Variants in CHRM3 observed in about 807,000 individuals in gnomAD.
CHRM3 encodes the protein muscarinic acetylcholine receptor M3.
In CHRM3, 11 loss-of-function variants were observed where a neutral mutation model predicts 41.8. The ratio of observed to expected loss-of-function variants is 0.26; its 90% CI spans 0.17 to 0.44. The LOEUF (loss-of-function observed/expected upper bound fraction) is 0.44. Among genes scored for constraint, CHRM3 ranks in the 20% least tolerant of loss-of-function variants. CHRM3 has a pLI of 1.00. For missense variants in CHRM3, 571 were observed against 745.4 expected (o/e 0.77, Z 2.72); for synonymous variants, 297 against 301.4 (o/e 0.99, Z 0.15).
chr1:239,571,999 C>A (rs774674309), intron 3 of CHRM3, among the ~76,000 whole-genome samples: 6 of 152,138 alleles, frequency 3.9e-5, no homozygotes, highest in Non-Finnish European at 7.3e-5. Flanking sequence ...CTACCATATG[C>A]CAGACGCTAT....
chr1:239,558,696 T>A (rs1315020126), intron 3 of CHRM3, among the ~76,000 whole-genome samples: 1 of 152,222 alleles, frequency 6.6e-6, no homozygotes, highest in Non-Finnish European at 1.5e-5. Flanking sequence ...GCCCATGTTC[T>A]CTTTTCCTAG....
intron 3 of CHRM3, among the ~76,000 whole-genome samples, chr1:239,547,155 GA>G (rs1458420527): frequency 2.0e-5 from 3 of 152,130 alleles, no homozygotes; most frequent in African/African-American, 4.8e-5. Context: ...TAAATGGAAC[GA>G]AAATCTTAAT....
At chr1:239,673,065 C>G (rs561357931) in intron 4 of CHRM3, among the ~76,000 whole-genome samples, 3 of 152,104 alleles carry the variant, frequency 2.0e-5, no homozygotes, top group Non-Finnish European at 2.9e-5. Context: ...AAATTAGCTT[C>G]GGTTTCTTCA....
At chr1:239,883,180 G>T (rs908956754) in intron 6 of CHRM3, among the ~76,000 whole-genome samples, 1 of 152,064 alleles carries the variant, frequency 6.6e-6, no homozygotes, top group Non-Finnish European at 1.5e-5. Flanking sequence ...CATCGTAAAC[G>T]GTAAAACAAC....
intron 2 of CHRM3, among the ~76,000 whole-genome samples, chr1:239,496,641 A>G (rs1307653413): frequency 6.6e-6 from 1 of 151,968 alleles, no homozygotes; most frequent in Non-Finnish European, 1.5e-5. Flanking sequence ...AATTTCTTGT[A>G]CTGATATCTT....
intron 5 of CHRM3, among the ~76,000 whole-genome samples, chr1:239,726,330 A>T (rs1663434581): frequency 6.6e-6 from 1 of 152,086 alleles, no homozygotes; most frequent in East Asian, 1.9e-4. Context: ...TTTGAATCAA[A>T]TAATAGTAGA....
At chr1:239,533,731 CAA>C (rs61441846) in intron 2 of CHRM3, among the ~76,000 whole-genome samples, 5 of 37,070 alleles carry the variant, frequency 1.3e-4, no homozygotes, top group East Asian at 7.3e-4. Context: ...AACTCTGTCT[CAA>C]AAAAAAAAAA....
intron 3 of CHRM3, among the ~76,000 whole-genome samples, chr1:239,623,429 A>C (rs1418693350): frequency 1.3e-5 from 2 of 151,362 alleles, no homozygotes. Flanking sequence ...ATGTCCCTAC[A>C]AAGGACATGA....
At chr1:239,414,689 T>C (rs1218548276) in intron 1 of CHRM3, among the ~76,000 whole-genome samples, 1 of 152,144 alleles carries the variant, frequency 6.6e-6, no homozygotes, top group Admixed American at 6.6e-5. Flanking sequence ...CAATGGAGAG[T>C]GTAGAAATTG....
intron 6 of CHRM3, among the ~76,000 whole-genome samples, chr1:239,860,670 G>A (rs1329373442): frequency 6.6e-6 from 1 of 152,196 alleles, no homozygotes; most frequent in Admixed American, 6.5e-5. Context: ...ATGAGGCAGA[G>A]TTTGTGTTAA....
At chr1:239,639,572 A>G (rs1382460102) in intron 4 of CHRM3, among the ~76,000 whole-genome samples, 700 of 147,862 alleles carry the variant, frequency 4.7e-3, no homozygotes, top group African/African-American at 0.017. Context: ...TTTGTCTGTT[A>G]TTGGTGTATA....
At chr1:239,679,494 A>G (rs914963558) in intron 5 of CHRM3, among the ~76,000 whole-genome samples, 1 of 152,118 alleles carries the variant, frequency 6.6e-6, no homozygotes, top group Non-Finnish European at 1.5e-5. Flanking sequence ...AGTGAGAGAG[A>G]GTAGATAAAT....
At chr1:239,617,123 G>A (rs549815005) in intron 3 of CHRM3, among the ~76,000 whole-genome samples, 3 of 152,238 alleles carry the variant, frequency 2.0e-5, no homozygotes, top group Non-Finnish European at 4.4e-5. Flanking sequence ...AGAAAAGCAA[G>A]CATCAGAATA....
intron 1 of CHRM3, among the ~76,000 whole-genome samples, chr1:239,420,778 T>C (rs1661891535): frequency 6.6e-6 from 1 of 152,108 alleles, no homozygotes; most frequent in African/African-American, 2.4e-5. Flanking sequence ...TAAATGTATC[T>C]TTTACCTCAG....
intron 5 of CHRM3, among the ~76,000 whole-genome samples, chr1:239,686,957 A>G (rs549079749): frequency 2.4e-4 from 36 of 152,242 alleles, no homozygotes; most frequent in Middle Eastern, 3.4e-3. Context: ...ATGGCATTCA[A>G]TTTACTTCAT....
At chr1:239,576,101 A>G (rs145829264) in intron 3 of CHRM3, among the ~76,000 whole-genome samples, 17 of 152,154 alleles carry the variant, frequency 1.1e-4, no homozygotes, top group Non-Finnish European at 1.9e-4. Flanking sequence ...ATTTCACATC[A>G]CATAATGTCC....
chr1:239,441,158 A>G (rs1447607543), intron 1 of CHRM3, among the ~76,000 whole-genome samples: 1 of 151,548 alleles, frequency 6.6e-6, no homozygotes, highest in African/African-American at 2.4e-5. Flanking sequence ...ACGCATCATT[A>G]TTTGCTGATG....
intron 1 of CHRM3, among the ~76,000 whole-genome samples, chr1:239,450,599 A>G (rs1664491104): frequency 6.6e-6 from 1 of 152,190 alleles, no homozygotes; most frequent in Admixed American, 6.5e-5. Flanking sequence ...ATTCTTATAA[A>G]TTATTCTTGT....
At chr1:239,416,784 C>G (rs898344220) in intron 1 of CHRM3, among the ~76,000 whole-genome samples, 19 of 152,152 alleles carry the variant, frequency 1.2e-4, no homozygotes, top group Admixed American at 1.2e-3. Flanking sequence ...GCCCAGATGC[C>G]TGCCAGCCAG....
Sources: allele counts gnomAD v4.1 joint callset (sites outside exome capture counted in the v4.1 genomes callset), GRCh38; gene constraint gnomAD v4.1.1; transcripts MANE v1.5; gene names NCBI Gene and HGNC (gene_info 2026-07-23, HGNC 2026-07-21).